The following CNTNAP5 variants were observed in gnomAD, a reference collection of about 807,000 sequenced individuals.
The protein encoded by CNTNAP5 is contactin associated protein family member 5, also known as contactin-associated protein-like 5.
In CNTNAP5, 72 loss-of-function variants were observed where a neutral mutation model predicts 150.2. The observed-to-expected ratio is 0.48, with a 90% CI of 0.40 to 0.58. The LOEUF is 0.58. Among genes scored for constraint, CNTNAP5 ranks in the 20% least tolerant of loss-of-function variants. The probability of loss-of-function intolerance (pLI) is 0.00; values close to 1 mark genes in which losing one functional copy is unlikely to be tolerated. For synonymous variants in CNTNAP5, 672 were observed against 619.8 expected, an observed-to-expected ratio of 1.08 and a Z score of -1.25; for missense variants, 1,636 against 1,626.2, an observed-to-expected ratio of 1.01 and a Z score of -0.10.
chr2:124,637,965 T>G (rs73952855), intron 12 of CNTNAP5, among the ~76,000 whole-genome samples: 2,016 of 152,144 alleles, frequency 0.013, 46 homozygotes, highest in African/African-American at 0.045. Flanking sequence ...GCCTACCTCT[T>G]TTTTGTAGCA....
intron 17 of CNTNAP5, among the ~76,000 whole-genome samples, chr2:124,781,565 AG>A (rs886585803): frequency 1.3e-5 from 2 of 152,136 alleles, no homozygotes; most frequent in African/African-American, 2.4e-5. Context: ...TCACTTATTC[AG>A]GTATCTGGGA....
chr2:124,534,004 T>C (rs1695174527), intron 10 of CNTNAP5, among the ~76,000 whole-genome samples: 2 of 152,098 alleles, frequency 1.3e-5, no homozygotes, highest in African/African-American at 4.8e-5. Flanking sequence ...AAAAACTTTA[T>C]AAAGATTGAT....
At chr2:124,108,833 A>G (rs867951359) in intron 1 of CNTNAP5, among the ~76,000 whole-genome samples, 4 of 152,136 alleles carry the variant, frequency 2.6e-5, no homozygotes, top group African/African-American at 9.7e-5. Context: ...GTGATCAATT[A>G]TTTTTTATCT....
At chr2:124,122,646 A>G (rs1573769668) in intron 1 of CNTNAP5, among the ~76,000 whole-genome samples, 1 of 152,304 alleles carries the variant, frequency 6.6e-6, no homozygotes, top group Non-Finnish European at 1.5e-5. Flanking sequence ...CACAAGTCAC[A>G]GAGCTTCGAT....
chr2:124,260,156 G>A (rs902145459), intron 3 of CNTNAP5, among the ~76,000 whole-genome samples: 34 of 152,120 alleles, frequency 2.2e-4, no homozygotes, highest in African/African-American at 7.7e-4. Flanking sequence ...CATGGTACTG[G>A]TACCAAAACA....
chr2:124,327,608 C>G (rs1008388227), intron 3 of CNTNAP5, among the ~76,000 whole-genome samples: 1 of 152,160 alleles, frequency 6.6e-6, no homozygotes, highest in African/African-American at 2.4e-5. Context: ...CATAATAAAA[C>G]CTTGGTCTCC....
chr2:124,707,122 G>GAAGAAGA (rs777729181), intron 13 of CNTNAP5, among the ~76,000 whole-genome samples: 1 of 66,836 alleles, frequency 1.5e-5, no homozygotes, highest in African/African-American at 5.8e-5. Context: ...GGAAGAAGAA[G>GAAGAAGA]AAAGAAGAAG....
intron 20 of CNTNAP5, among the ~76,000 whole-genome samples, 162 bp from the exon 21 acceptor site, chr2:124,869,513 T>C (rs1677700309): frequency 6.6e-6 from 1 of 152,182 alleles, no homozygotes; most frequent in Non-Finnish European, 1.5e-5. Context: ...ATGTGCGTTG[T>C]GGGCAAATTA....
intron 4 of CNTNAP5, among the ~76,000 whole-genome samples, chr2:124,426,374 T>C (rs903375563): frequency 6.6e-6 from 1 of 152,176 alleles, no homozygotes; most frequent in African/African-American, 2.4e-5. Context: ...CTGTGCAAAT[T>C]TGAGCTGCTG....
intron 12 of CNTNAP5, among the ~76,000 whole-genome samples, chr2:124,644,164 T>C (rs544134124): frequency 1.3e-5 from 2 of 152,328 alleles, no homozygotes; most frequent in Non-Finnish European, 2.9e-5. Context: ...ATGGTCAAAA[T>C]GAATTTTGCT....
At chr2:124,812,206 T>C (rs1021004742) in intron 19 of CNTNAP5, among the ~76,000 whole-genome samples, 1 of 134,664 alleles carries the variant, frequency 7.4e-6, no homozygotes, top group Non-Finnish European at 1.5e-5. Context: ...CAAATGATTC[T>C]ACCCTTTTTT....
intron 8 of CNTNAP5, 132 bp downstream of exon 8, chr2:124,504,688 G>C: frequency 3.1e-6 from 2 of 653,846 alleles, no homozygotes; most frequent in South Asian, 2.3e-5. Flanking sequence ...TGTACTCCAA[G>C]TCTGAAGAGG....
chr2:124,324,940 C>T (rs536627796), intron 3 of CNTNAP5, among the ~76,000 whole-genome samples: 1 of 152,134 alleles, frequency 6.6e-6, no homozygotes, highest in African/African-American at 2.4e-5. Context: ...GTGAAATGCT[C>T]TTTTATTCTA....
intron 11 of CNTNAP5, among the ~76,000 whole-genome samples, chr2:124,598,793 G>GA (rs1312319023): frequency 6.6e-6 from 1 of 152,164 alleles, no homozygotes; most frequent in African/African-American, 2.4e-5. Context: ...AGCAATCAGC[G>GA]AGATTCCGTG....
chr2:124,763,759 A>C lies in CNTNAP5; in HGVS notation c.2322A>C (p.Glu774Asp). The change falls in exon 15 of 24, where the codon GAA (glutamate) becomes GAC (aspartate). Residue 774 changes from glutamate to aspartate, a missense_variant. Coordinates refer to ENST00000682447, the MANE Select transcript of CNTNAP5 (RefSeq NM_001367498.1). ...CTGATACCGACAGATCAAACTCAGA[A>C]GCCGCTTGGAGAATTGGTCCCTTGC... ...VITDTDRSNS[E>D]AAWRIGPLRC... The C allele has an allele frequency of 1.2e-6, 2 of 1,613,136 alleles. No homozygotes were observed. Among genetic ancestry groups the C allele is most frequent in the South Asian group, 2.2e-5 (2 of 91,038 alleles).
intron 18 of CNTNAP5, among the ~76,000 whole-genome samples, chr2:124,791,150 T>A (rs1318044949): frequency 6.6e-6 from 1 of 152,214 alleles, no homozygotes; most frequent in Non-Finnish European, 1.5e-5. Flanking sequence ...AATGGTTTAT[T>A]TAGTCCAGCT....
intron 22 of CNTNAP5, among the ~76,000 whole-genome samples, chr2:124,907,083 T>G (rs1678553301): frequency 6.6e-6 from 1 of 152,124 alleles, no homozygotes; most frequent in African/African-American, 2.4e-5. Context: ...AGGAAAAATA[T>G]GAACAGAGTT....
chr2:124,873,950 T>C (rs996772711), intron 21 of CNTNAP5, among the ~76,000 whole-genome samples: 1 of 152,108 alleles, frequency 6.6e-6, no homozygotes, highest in Non-Finnish European at 1.5e-5. Context: ...AAAAATTCCT[T>C]ACTAAAGAGG....
chr2:124,333,448 G>A (rs114711259), intron 3 of CNTNAP5, among the ~76,000 whole-genome samples: 4,287 of 152,210 alleles, frequency 0.028, 223 homozygotes, highest in African/African-American at 0.098. Flanking sequence ...CATCAGCACA[G>A]AGAAAGAACA....
Sources: gnomAD v4.1 joint callset for allele counts (sites outside exome capture counted in the v4.1 genomes callset) on GRCh38, gnomAD v4.1.1 for gene constraint, MANE v1.5 for transcripts, NCBI Gene and HGNC (gene_info 2026-07-23, HGNC 2026-07-21) for gene names.